SGCZ: variants seen among roughly 807,000 people sequenced by gnomAD.
The protein encoded by SGCZ is zeta-sarcoglycan.
Under a neutral mutation model 41.3 loss-of-function variants are expected in SGCZ, and 40 were observed. The ratio of observed to expected loss-of-function variants is 0.97; its 90% CI spans 0.75 to 1.26. The LOEUF is 1.26. Ranked by LOEUF, SGCZ falls within the 50% of genes most tolerant of loss-of-function variation. The pLI is 0.00. For synonymous variants in SGCZ, 206 were observed against 137.5 expected, an observed-to-expected ratio of 1.50 and a Z score of -3.49; for missense variants, 552 against 369.8, an observed-to-expected ratio of 1.49 and a Z score of -4.04.
At chr8:14,134,223 T>TA (rs1482787227) in intron 5 of SGCZ, among the ~76,000 whole-genome samples, 3 of 152,192 alleles carry the variant, frequency 2.0e-5, no homozygotes, top group African/African-American at 7.2e-5. Context: ...AGATATTAGA[T>TA]AATAGATATG....
intron 1 of SGCZ, among the ~76,000 whole-genome samples, chr8:14,643,411 A>G (rs1403534276): frequency 1.3e-5 from 2 of 151,704 alleles, no homozygotes; most frequent in Admixed American, 1.3e-4. Context: ...AATAATTTAA[A>G]AATTTGCTTA....
chr8:14,443,016 A>G (rs1585520052), intron 2 of SGCZ, among the ~76,000 whole-genome samples: 2 of 152,186 alleles, frequency 1.3e-5, no homozygotes, highest in Non-Finnish European at 2.9e-5. Flanking sequence ...TAAACCAATA[A>G]CAGCCAAACA....
chr8:14,993,906 G>A (rs987465467), intron 1 of SGCZ, among the ~76,000 whole-genome samples: 1 of 152,274 alleles, frequency 6.6e-6, no homozygotes, highest in East Asian at 1.9e-4. Context: ...ACTTTGCTTA[G>A]ATTTTAATGG....
At chr8:14,705,165 A>G (rs2117609266) in intron 1 of SGCZ, among the ~76,000 whole-genome samples, 1 of 152,046 alleles carries the variant, frequency 6.6e-6, no homozygotes, top group Middle Eastern at 3.4e-3. Flanking sequence ...GCACCTCATA[A>G]CAAGAACAAA....
intron 1 of SGCZ, among the ~76,000 whole-genome samples, chr8:14,608,459 A>C (rs1310351496): frequency 6.6e-6 from 1 of 151,946 alleles, no homozygotes; most frequent in East Asian, 1.9e-4. Context: ...GGCGGGGGGC[A>C]GATGTGTCAT....
chr8:14,338,569 G>C (rs1436909880), intron 2 of SGCZ, among the ~76,000 whole-genome samples: 22 of 152,130 alleles, frequency 1.4e-4, no homozygotes, highest in Admixed American at 1.4e-3. Flanking sequence ...CTCCCTGATG[G>C]AATGTTATTC....
At chr8:14,430,003 ATC>A in intron 2 of SGCZ, among the ~76,000 whole-genome samples, 1 of 152,146 alleles carries the variant, frequency 6.6e-6, no homozygotes, top group Non-Finnish European at 1.5e-5. Flanking sequence ...CAGCTGTAAT[ATC>A]TCCCATTTCA....
chr8:14,856,804 G>T lies in SGCZ; in HGVS notation c.40-301878C>A, dbSNP rs151044686. Among the ~76,000 whole-genome samples, 671 of 152,212 alleles carry T rather than the reference G, an allele frequency of 4.4e-3. 5 individuals carry two copies. Among genetic ancestry groups the T allele is most frequent in the Admixed American group, 6.6e-3 (100 of 15,262 alleles). ...CAGACAGTCAACAGCAGGGAAAGAG[G>T]TTAATTAAATATTGTTAAGTAATTA... On this transcript the variant is annotated intron_variant, in intron 1 of 7. Transcript: ENST00000382080.
At chr8:14,158,492 G>T (rs1259076339) in intron 5 of SGCZ, among the ~76,000 whole-genome samples, 1 of 151,984 alleles carries the variant, frequency 6.6e-6, no homozygotes, top group Non-Finnish European at 1.5e-5. Context: ...CGACTCAAAT[G>T]TCAATCCCTT....
intron 1 of SGCZ, among the ~76,000 whole-genome samples, chr8:14,652,362 G>GGGC (rs1450694271): frequency 9.3e-6 from 1 of 107,672 alleles, no homozygotes; most frequent in Non-Finnish European, 1.9e-5. Context: ...GGGTGTGGGG[G>GGGC]GGAGAAAACA....
At chr8:14,301,677 C>G (rs183651810) in intron 3 of SGCZ, among the ~76,000 whole-genome samples, 3 of 152,072 alleles carry the variant, frequency 2.0e-5, no homozygotes, top group Non-Finnish European at 4.4e-5. Context: ...ATATTTATGG[C>G]CCAAACCCAT....
intron 3 of SGCZ, among the ~76,000 whole-genome samples, chr8:14,294,835 T>G (rs1800958588): frequency 6.6e-6 from 1 of 151,824 alleles, no homozygotes; most frequent in Admixed American, 6.6e-5. Flanking sequence ...GTAGGGAAAA[T>G]GCAAATTAAA....
At chr8:14,196,370 T>C (rs931460593) in intron 4 of SGCZ, among the ~76,000 whole-genome samples, 3 of 151,946 alleles carry the variant, frequency 2.0e-5, no homozygotes, top group Admixed American at 6.6e-5. Context: ...TTCAAGTTAT[T>C]CTCCTGCCTC....
chr8:14,161,861 A>C (rs1256788383), intron 5 of SGCZ, among the ~76,000 whole-genome samples: 2 of 152,162 alleles, frequency 1.3e-5, no homozygotes, highest in Admixed American at 6.6e-5. Context: ...CTATACATAC[A>C]GTCACATAAG....
At position 14,261,489 on chromosome 8, in the gene SGCZ, A is replaced by G. The variant is rs182826631; in HGVS notation, c.337-23810T>C. Among the ~76,000 whole-genome samples, 422 of 152,288 alleles carry G rather than the reference A, an allele frequency of 2.8e-3. 5 individuals carry two copies. Among genetic ancestry groups the G allele is most frequent in the African/African-American group, 8.0e-3 (334 of 41,578 alleles). The stretch of plus-strand genomic sequence containing the variant: ...AATATTGTTCTTCTGAAGCTCTACA[A>G]TGAGTTCACTCCCTTTGAAAGTTTT... On this transcript the variant is annotated intron_variant, in intron 3 of 7. Coordinates refer to ENST00000382080, the MANE Select transcript of SGCZ (RefSeq NM_139167.4).
At chr8:14,578,828 T>C (rs1257376523) in intron 1 of SGCZ, among the ~76,000 whole-genome samples, 3 of 152,192 alleles carry the variant, frequency 2.0e-5, no homozygotes, top group South Asian at 2.1e-4. Context: ...GTTTACAAAT[T>C]AGATATGTAA....
chr8:14,234,483 A>T (rs771732416), intron 4 of SGCZ, among the ~76,000 whole-genome samples: 9 of 152,124 alleles, frequency 5.9e-5, no homozygotes, highest in Middle Eastern at 3.2e-3. Context: ...TGTTTTTAGA[A>T]TTGACTATAC....
At chr8:14,845,458 G>A (rs1253517374) in intron 1 of SGCZ, among the ~76,000 whole-genome samples, 1 of 152,042 alleles carries the variant, frequency 6.6e-6, no homozygotes, top group African/African-American at 2.4e-5. Context: ...AATATTATCA[G>A]ACACACACAA....
chr8:14,387,808 G>C (rs1051014727), intron 2 of SGCZ, among the ~76,000 whole-genome samples: 1 of 151,994 alleles, frequency 6.6e-6, no homozygotes, highest in Non-Finnish European at 1.5e-5. Context: ...ATGAGTTTTA[G>C]TCTTCATCTG....
Sources: allele counts gnomAD v4.1 joint callset (sites outside exome capture counted in the v4.1 genomes callset), GRCh38; gene constraint gnomAD v4.1.1; transcripts MANE v1.5; gene names NCBI Gene and HGNC (gene_info 2026-07-23, HGNC 2026-07-21).